Variants in TBC1D5 observed in about 807,000 individuals in gnomAD.
TBC1D5 encodes the protein TBC1 domain family, member 5.
Under a neutral mutation model 100.3 loss-of-function variants are expected in TBC1D5, and 75 were observed. That is an observed-to-expected ratio of 0.75 (90% CI 0.62 to 0.91). The LOEUF (loss-of-function observed/expected upper bound fraction) is 0.91. Ranked by LOEUF, TBC1D5 falls within the 40% of genes least tolerant of loss-of-function variation. TBC1D5 has a pLI of 0.00. For synonymous variants in TBC1D5, 323 were observed against 325.6 expected, an observed-to-expected ratio of 0.99 and a Z score of 0.09; for missense variants, 910 against 942.4, an observed-to-expected ratio of 0.97 and a Z score of 0.45.
intron 4 of TBC1D5, among the ~76,000 whole-genome samples, chr3:17,409,042 T>C (rs976975053): frequency 6.6e-6 from 1 of 152,182 alleles, no homozygotes; most frequent in Non-Finnish European, 1.5e-5. Context: ...AAGATGAGAT[T>C]AGCAATCAGT....
At chr3:17,181,944 A>G (rs2068497421) in intron 19 of TBC1D5, among the ~76,000 whole-genome samples, 1 of 152,206 alleles carries the variant, frequency 6.6e-6, no homozygotes, top group Non-Finnish European at 1.5e-5. Flanking sequence ...TCCCTTACTA[A>G]TGAACACCTT....
chr3:17,732,232 C>A (rs1487040132), intron 1 of TBC1D5, among the ~76,000 whole-genome samples: 1 of 150,480 alleles, frequency 6.6e-6, no homozygotes, highest in Non-Finnish European at 1.5e-5. Context: ...GCAGGAGAAG[C>A]CCCTGAACCT....
chr3:17,256,327 C>T (rs993001461), intron 16 of TBC1D5, among the ~76,000 whole-genome samples: 3 of 150,110 alleles, frequency 2.0e-5, no homozygotes, highest in East Asian at 1.9e-4. Context: ...TTGCAAAAGA[C>T]GACAAAAAGT....
chr3:17,697,798 G>A (rs2072380490), intron 1 of TBC1D5, among the ~76,000 whole-genome samples: 2 of 151,826 alleles, frequency 1.3e-5, no homozygotes, highest in South Asian at 4.2e-4. Context: ...GCGTTGCCAA[G>A]ACAATCCTAA....
At chr3:17,290,637 G>T (rs283910) in intron 15 of TBC1D5, among the ~76,000 whole-genome samples, 152,177 of 152,346 alleles carry the variant, frequency 1, 76,004 homozygotes, top group Middle Eastern at 1. Context: ...AGTCTTATTT[G>T]ACAGATATTT....
intron 1 of TBC1D5, among the ~76,000 whole-genome samples, chr3:17,697,754 A>C (rs2072370437): frequency 6.6e-6 from 1 of 151,906 alleles, no homozygotes; most frequent in South Asian, 2.1e-4. Context: ...GGAAAAAACT[A>C]CTTTAAAGTT....
intron 2 of TBC1D5, chr3:17,575,423 T>A (rs1308841473): frequency 6.6e-6 from 1 of 152,068 alleles, no homozygotes; most frequent in Non-Finnish European, 1.5e-5. Context: ...CAAATAACAT[T>A]TTTACCTGAA....
intron 1 of TBC1D5, among the ~76,000 whole-genome samples, chr3:17,704,936 C>G (rs1244988760): frequency 1.5e-4 from 15 of 103,064 alleles, no homozygotes; most frequent in African/African-American, 5.4e-4. Context: ...TCCTCACTTC[C>G]CAGTAGGGGC....
At chr3:17,314,947 A>T (rs532412668) in intron 13 of TBC1D5, among the ~76,000 whole-genome samples, 1 of 152,370 alleles carries the variant, frequency 6.6e-6, no homozygotes, top group South Asian at 2.1e-4. Flanking sequence ...GTTTTCTGAT[A>T]CAGAAGATTT....
intron 1 of TBC1D5, among the ~76,000 whole-genome samples, chr3:17,715,234 A>AT (rs1225474498): frequency 6.6e-6 from 1 of 152,212 alleles, no homozygotes; most frequent in Non-Finnish European, 1.5e-5. Flanking sequence ...AATTACTTCC[A>AT]TAACACAGAA....
chr3:17,161,611 G>A (rs1273417710), intron 21 of TBC1D5, among the ~76,000 whole-genome samples: 1 of 152,272 alleles, frequency 6.6e-6, no homozygotes, highest in Non-Finnish European at 1.5e-5. Context: ...CCAGCGTCAT[G>A]TGGGACCCTG....
At chr3:17,160,389 T>TC (rs971410970) in exon 22 of TBC1D5, 3 of 152,168 alleles carry the variant, frequency 2.0e-5, no homozygotes, top group East Asian at 1.9e-4. Context: ...TTTTTTTTTT[T>TC]CCCCCAGCCC....
At chr3:17,322,761 T>C (rs1404287040) in intron 13 of TBC1D5, among the ~76,000 whole-genome samples, 3 of 152,154 alleles carry the variant, frequency 2.0e-5, no homozygotes, top group Non-Finnish European at 2.9e-5. Context: ...GGTAAACTTC[T>C]AGAAGGCCAA....
chr3:17,617,344 T>C (rs1230867817), intron 2 of TBC1D5, among the ~76,000 whole-genome samples: 1 of 152,228 alleles, frequency 6.6e-6, no homozygotes, highest in African/African-American at 2.4e-5. Flanking sequence ...CCTTGGTGAA[T>C]CTGACAATTA....
At chr3:17,418,608 A>G (rs2094139413) in intron 4 of TBC1D5, among the ~76,000 whole-genome samples, 2 of 152,170 alleles carry the variant, frequency 1.3e-5, no homozygotes, top group Admixed American at 1.3e-4. Context: ...TAATAAAAAA[A>G]AAAAAACTAT....
At chr3:17,537,307 G>T (rs1049774400) in intron 2 of TBC1D5, among the ~76,000 whole-genome samples, 7 of 152,258 alleles carry the variant, frequency 4.6e-5, no homozygotes, top group Non-Finnish European at 1.0e-4. Context: ...CATGGCCTCA[G>T]GTCTTGCTTA....
chr3:17,497,176 GT>G (rs2095722322), intron 3 of TBC1D5, among the ~76,000 whole-genome samples: 1 of 148,498 alleles, frequency 6.7e-6, no homozygotes, highest in African/African-American at 2.5e-5. Context: ...CTTCTTGTTT[GT>G]TATTAACATT....
At chr3:17,265,827 C>A (rs2078789003) in intron 15 of TBC1D5, among the ~76,000 whole-genome samples, 1 of 151,592 alleles carries the variant, frequency 6.6e-6, no homozygotes, top group Non-Finnish European at 1.5e-5. Flanking sequence ...TCGTTAGTGC[C>A]AAGCAAACAG....
chr3:17,202,692 C>T (rs2071614674), intron 18 of TBC1D5, among the ~76,000 whole-genome samples: 1 of 152,238 alleles, frequency 6.6e-6, no homozygotes, highest in Non-Finnish European at 1.5e-5. Context: ...CTGTTCCATC[C>T]ATGGCTAAAA....
Sources: allele counts gnomAD v4.1 joint callset (sites outside exome capture counted in the v4.1 genomes callset), GRCh38; gene constraint gnomAD v4.1.1; transcripts MANE v1.5; gene names NCBI Gene and HGNC (gene_info 2026-07-23, HGNC 2026-07-21).